The following SPIDR variants were observed in gnomAD, a reference collection of about 807,000 sequenced individuals.
SPIDR encodes DNA repair-scaffolding protein.
A neutral mutation model predicts 104.6 loss-of-function variants in SPIDR; 93 were observed. The observed-to-expected ratio is 0.89, with a 90% CI of 0.75 to 1.06. The LOEUF (loss-of-function observed/expected upper bound fraction) is 1.06. Ranked by LOEUF, SPIDR falls within the 50% of genes least tolerant of loss-of-function variation. SPIDR has a pLI of 0.00. For synonymous variants in SPIDR, 431 were observed against 416.9 expected, an observed-to-expected ratio of 1.03 and a Z score of -0.41; for missense variants, 1,154 against 1,111.2, an observed-to-expected ratio of 1.04 and a Z score of -0.55.
At chr8:47,329,200 A>C (rs1554602842) in intron 5 of SPIDR, among the ~76,000 whole-genome samples, 1 of 151,610 alleles carries the variant, frequency 6.6e-6, no homozygotes, top group African/African-American at 2.4e-5. Flanking sequence ...CCTCCCGAGT[A>C]GCTGGGACTA....
intron 5 of SPIDR, among the ~76,000 whole-genome samples, chr8:47,324,532 T>C (rs1554599131): frequency 6.6e-6 from 1 of 152,230 alleles, no homozygotes; most frequent in Non-Finnish European, 1.5e-5. Flanking sequence ...ATCAAAACCT[T>C]ATAAGATGTT....
intron 11 of SPIDR, among the ~76,000 whole-genome samples, chr8:47,696,601 T>G (rs964915530): frequency 2.0e-5 from 3 of 152,204 alleles, no homozygotes; most frequent in Admixed American, 2.0e-4. Context: ...TCAGCCAAGC[T>G]CACCTGTCAG....
chr8:47,297,888 T>C (rs2041191974), intron 5 of SPIDR, among the ~76,000 whole-genome samples: 2 of 152,242 alleles, frequency 1.3e-5, no homozygotes, highest in African/African-American at 2.4e-5. Flanking sequence ...TCCAAGTCTT[T>C]GCTATTGTGA....
At chr8:47,555,769 C>G (rs971251381) in intron 8 of SPIDR, among the ~76,000 whole-genome samples, 1 of 152,142 alleles carries the variant, frequency 6.6e-6, no homozygotes, top group Non-Finnish European at 1.5e-5. Flanking sequence ...GGATGGGTAT[C>G]AAGCCACTCT....
intron 8 of SPIDR, among the ~76,000 whole-genome samples, chr8:47,455,934 T>C (rs2154350933): frequency 6.6e-6 from 1 of 152,166 alleles, no homozygotes; most frequent in East Asian, 1.9e-4. Context: ...CTTTCAATAA[T>C]GGACAGAACA....
At chr8:47,275,069 C>T (rs1053656315) in intron 1 of SPIDR, among the ~76,000 whole-genome samples, 7 of 151,264 alleles carry the variant, frequency 4.6e-5, no homozygotes, top group African/African-American at 1.7e-4. Flanking sequence ...ACCATCCTGG[C>T]TAACATGGTG....
At chr8:47,318,293 G>A (rs1041392753) in intron 5 of SPIDR, among the ~76,000 whole-genome samples, 11 of 152,238 alleles carry the variant, frequency 7.2e-5, no homozygotes, top group South Asian at 2.1e-4. Flanking sequence ...ACTACGTGAC[G>A]AATGCACAAG....
intron 10 of SPIDR, among the ~76,000 whole-genome samples, chr8:47,626,644 T>C (rs963914536): frequency 2.2e-4 from 33 of 152,280 alleles, no homozygotes; most frequent in African/African-American, 7.0e-4. Context: ...AAAATGCTCA[T>C]CGTCACTGGC....
At chr8:47,517,706 CA>C (rs1477688473) in intron 8 of SPIDR, among the ~76,000 whole-genome samples, 1 of 152,158 alleles carries the variant, frequency 6.6e-6, no homozygotes, top group African/African-American at 2.4e-5. Context: ...TGAAATTATT[CA>C]CAGTGAGAAC....
chr8:47,456,733 A>C (rs1330753437), intron 8 of SPIDR, among the ~76,000 whole-genome samples: 1 of 152,038 alleles, frequency 6.6e-6, no homozygotes, highest in Non-Finnish European at 1.5e-5. Context: ...CACTGAACCC[A>C]ATTTGTAGTC....
At chr8:47,620,655 GTCA>G (rs2065018281) in intron 10 of SPIDR, among the ~76,000 whole-genome samples, 1 of 148,812 alleles carries the variant, frequency 6.7e-6, no homozygotes, top group Non-Finnish European at 1.5e-5. Flanking sequence ...ATCTCTCTCT[GTCA>G]TCAGGCTGGA....
chr8:47,405,205 G>T (rs185123920), intron 6 of SPIDR, among the ~76,000 whole-genome samples: 2 of 152,098 alleles, frequency 1.3e-5, no homozygotes, highest in East Asian at 1.9e-4. Flanking sequence ...GGCCTGTCAT[G>T]TGGTGGGGGG....
chr8:47,501,709 C>T (rs1242989000), intron 8 of SPIDR, among the ~76,000 whole-genome samples: 1 of 152,154 alleles, frequency 6.6e-6, no homozygotes, highest in Non-Finnish European at 1.5e-5. Context: ...AGAGGGCATC[C>T]CTGTCTTGTG....
chr8:47,512,058 C>T (rs914603062), intron 8 of SPIDR: 5 of 655,772 alleles, frequency 7.6e-6, no homozygotes, highest in Admixed American at 4.3e-5. Flanking sequence ...CCCAGGTAGC[C>T]GACTCGAGGA....
At chr8:47,379,677 AG>A (rs1229313695) in intron 5 of SPIDR, among the ~76,000 whole-genome samples, 1 of 152,210 alleles carries the variant, frequency 6.6e-6, no homozygotes, top group Non-Finnish European at 1.5e-5. Flanking sequence ...GACTCCTCGT[AG>A]AGGGCACAGT....
chr8:47,318,286 A>T (rs2045826374), intron 5 of SPIDR, among the ~76,000 whole-genome samples: 1 of 152,214 alleles, frequency 6.6e-6, no homozygotes. Flanking sequence ...CATGAGAACT[A>T]CGTGACGAAT....
At chr8:47,382,804 C>T (rs1193399942) in intron 5 of SPIDR, among the ~76,000 whole-genome samples, 2 of 152,170 alleles carry the variant, frequency 1.3e-5, no homozygotes, top group African/African-American at 4.8e-5. Flanking sequence ...TTTTTCTGGT[C>T]AGCTCCTATA....
chr8:47,574,798 A>G (rs183223640), intron 8 of SPIDR, among the ~76,000 whole-genome samples: 138 of 152,082 alleles, frequency 9.1e-4, no homozygotes, highest in African/African-American at 3.2e-3. Context: ...AAAGTTTTAC[A>G]TATGAACAGT....
intron 8 of SPIDR, among the ~76,000 whole-genome samples, chr8:47,502,605 T>A (rs2080709805): frequency 6.6e-6 from 1 of 152,218 alleles, no homozygotes; most frequent in African/African-American, 2.4e-5. Context: ...ATTCATTGAT[T>A]TTTTGAAGGG....
Sources: gnomAD v4.1 joint callset for allele counts (sites outside exome capture counted in the v4.1 genomes callset) on GRCh38, gnomAD v4.1.1 for gene constraint, MANE v1.5 for transcripts, NCBI Gene and HGNC (gene_info 2026-07-23, HGNC 2026-07-21) for gene names.